The following ELF4 variants were observed in gnomAD, a reference collection of about 807,000 sequenced individuals.
ELF4 encodes the protein E74 like ETS transcription factor 4.
A neutral mutation model predicts 31.7 loss-of-function variants in ELF4; 10 were observed. The ratio of observed to expected loss-of-function variants is 0.32; its 90% CI spans 0.19 to 0.54. The LOEUF (loss-of-function observed/expected upper bound fraction) is 0.54, where lower values mean the gene tolerates loss of function less well. Among genes scored for constraint, ELF4 ranks in the 20% least tolerant of loss-of-function variants. The pLI, the probability that ELF4 is intolerant of heterozygous loss-of-function variation, is 0.95. For synonymous variants in ELF4, 208 were observed against 226.7 expected, an observed-to-expected ratio of 0.92 and a Z score of 0.74; for missense variants, 418 against 522.0, an observed-to-expected ratio of 0.80 and a Z score of 1.94.
At position 130,095,189 on chromosome X, in the gene ELF4, C is replaced by A. The variant is rs190517179; in HGVS notation, c.-209-13650G>T. Among the ~76,000 whole-genome samples, 3 of 112,257 alleles carry A rather than the reference C, an allele frequency of 2.7e-5. No homozygotes were observed. The Admixed American group carries it at 2.8e-4, about 11-fold the overall frequency. On this transcript the variant is annotated intron_variant, in intron 1 of 8. Coordinates refer to ENST00000308167, the MANE Select transcript of ELF4 (RefSeq NM_001421.4). Reference sequence around the variant, plus strand: ...GGGAAGGTGGCAGGGATGTGTAGTTCTGGGGTGCTACACCGTCCCTGCAAA... The same window carrying A: ...GGGAAGGTGGCAGGGATGTGTAGTTATGGGGTGCTACACCGTCCCTGCAAA...
intron 1 of ELF4, among the ~76,000 whole-genome samples, chrX:130,102,295 C>T (rs1279908513): frequency 1.8e-5 from 2 of 112,273 alleles, no homozygotes; most frequent in Non-Finnish European, 3.8e-5. Flanking sequence ...AAAACAACTT[C>T]AAACAAAAGC....
upstream of ELF4, chrX:130,110,538 G>C (rs1296154399): frequency 9.3e-6 from 1 of 107,952 alleles, no homozygotes; most frequent in African/African-American, 3.4e-5. Flanking sequence ...CGCGGCCGCC[G>C]GGGCCGCCGT....
chrX:130,109,429 CA>C (rs758203810), intron 1 of ELF4, among the ~76,000 whole-genome samples: 1 of 112,854 alleles, frequency 8.9e-6, no homozygotes, highest in Non-Finnish European at 1.9e-5. Context: ...GCTGCAGGAC[CA>C]GACAGGCCTC....
intron 1 of ELF4, among the ~76,000 whole-genome samples, chrX:130,099,311 C>T (rs768978004): frequency 5.3e-5 from 6 of 112,305 alleles, no homozygotes; most frequent in African/African-American, 1.3e-4. Flanking sequence ...CAGGGGCTCA[C>T]GCCTGTAATC....
chrX:130,075,250 T>G (rs1277087436), intron 2 of ELF4, among the ~76,000 whole-genome samples: 11 of 105,636 alleles, frequency 1.0e-4, no homozygotes, highest in Admixed American at 1.0e-3. Flanking sequence ...ATTACAGGCG[T>G]GAGCCACCAT....
chrX:130,108,947 A>G (rs1027267697), intron 1 of ELF4, among the ~76,000 whole-genome samples: 1 of 111,606 alleles, frequency 9.0e-6, no homozygotes, highest in Non-Finnish European at 1.9e-5. Flanking sequence ...ACTGAACTCC[A>G]GAGAGCTCCC....
intron 1 of ELF4, among the ~76,000 whole-genome samples, chrX:130,098,163 C>A (rs1162813847): frequency 1.8e-5 from 2 of 112,030 alleles, no homozygotes; most frequent in African/African-American, 6.5e-5. Context: ...GGCACAGGCC[C>A]GCAGTGCCTG....
intron 2 of ELF4, among the ~76,000 whole-genome samples, chrX:130,075,430 C>T (rs1289536274): frequency 9.0e-6 from 1 of 110,641 alleles, no homozygotes; most frequent in African/African-American, 3.3e-5. Flanking sequence ...GCACCCGCCA[C>T]CACACCTGTC....
chrX:130,067,719 G>A (rs1932719108), intron 8 of ELF4, among the ~76,000 whole-genome samples, 194 bp from the exon 9 acceptor site: 1 of 112,108 alleles, frequency 8.9e-6, no homozygotes, highest in African/African-American at 3.2e-5. Flanking sequence ...ACTGCTCACT[G>A]CAGCCTTGAA....
intron 1 of ELF4, among the ~76,000 whole-genome samples, chrX:130,085,269 C>A (rs1160421470): frequency 8.9e-6 from 1 of 111,945 alleles, no homozygotes; most frequent in African/African-American, 3.2e-5. Flanking sequence ...GTATGTGCCC[C>A]TGGGTGCCCT....
At chrX:130,071,483 G>T in intron 5 of ELF4, 64 bp from the exon 6 acceptor site, 1 of 1,106,592 alleles carries the variant, frequency 9.0e-7, no homozygotes. Flanking sequence ...AGCTGGCCAA[G>T]TTGGCTGTGA....
intron 1 of ELF4, among the ~76,000 whole-genome samples, chrX:130,092,622 G>A (rs1443225952): frequency 1.8e-5 from 2 of 112,278 alleles, no homozygotes; most frequent in Non-Finnish European, 3.8e-5. Flanking sequence ...GGGGTGGAGT[G>A]AGCCTGGCCT....
chrX:130,109,519 C>T lies in ELF4; in HGVS notation c.-210+806G>A, dbSNP rs766726570. Among the ~76,000 whole-genome samples, 3 of 112,385 alleles carry T rather than the reference C, an allele frequency of 2.7e-5. No individual in the cohort carries two copies. The Admixed American group carries it at 2.8e-4, about 10-fold the overall frequency. On this transcript the variant is annotated intron_variant, in intron 1 of 8. Coordinates refer to ENST00000308167, the MANE Select transcript of ELF4 (RefSeq NM_001421.4). ...GCTGGGGTATGGTGCGGGGCGGGGGCGGCCCAGGAGGACCTCGCTGAGCCG... is the reference window on the plus strand; with the variant it reads ...GCTGGGGTATGGTGCGGGGCGGGGGTGGCCCAGGAGGACCTCGCTGAGCCG...
At chrX:130,069,168 G>A in intron 8 of ELF4, 132 bp downstream of exon 8, 2 of 899,492 alleles carry the variant, frequency 2.2e-6, no homozygotes, top group Non-Finnish European at 3.2e-6. Context: ...AAGTTGCAGT[G>A]AGCAGACATC....
chrX:130,085,252 C>T (rs1174916755), intron 1 of ELF4, among the ~76,000 whole-genome samples: 1 of 111,823 alleles, frequency 8.9e-6, no homozygotes, highest in African/African-American at 3.2e-5. Flanking sequence ...AAAGCCTTTG[C>T]GAGAAAGTAT....
At position 130,076,896 on chromosome X, in the gene ELF4, A is replaced by G. The variant is rs778281398; in HGVS notation, c.76-2144T>C. On this transcript the variant is annotated intron_variant, in intron 2 of 8. Coordinates refer to ENST00000308167, the MANE Select transcript of ELF4 (RefSeq NM_001421.4). ...AATTCTTTTTTTTTCCCATGCAAAAAGAATGAGAATGATCCTCTCTGTGTA... is the reference window on the plus strand; with the variant it reads ...AATTCTTTTTTTTTCCCATGCAAAAGGAATGAGAATGATCCTCTCTGTGTA... Among the ~76,000 whole-genome samples the G allele has an allele frequency of 2.7e-5, 3 of 111,668 alleles. No homozygotes were observed. The South Asian group carries it at 1.1e-3, about 42-fold the overall frequency.
At position 130,094,509 on chromosome X, in the gene ELF4, G is replaced by A. The variant is rs1207364279; in HGVS notation, c.-209-12970C>T. On this transcript the variant is annotated intron_variant, in intron 1 of 8. Coordinates refer to ENST00000308167, the MANE Select transcript of ELF4 (RefSeq NM_001421.4). ...TTGAAACCCGGAGGCAGAGGTTGCA[G>A]TGAGCCAAGATCACGCCACTGCACT... Among the ~76,000 whole-genome samples the A allele has an allele frequency of 2.7e-5, 3 of 109,340 alleles. No individual in the cohort carries two copies. In the South Asian group the frequency reaches 1.2e-3, roughly 44 times the overall value. 94.9% of individuals were successfully genotyped at this position (109,340 alleles called of 115,157 possible). A position where few individuals can be genotyped will look rare whatever the true frequency, so the allele number is the denominator to read the frequency against.
chrX:130,089,523 A>C (rs1271579005), intron 1 of ELF4, among the ~76,000 whole-genome samples: 1 of 103,756 alleles, frequency 9.6e-6, no homozygotes, highest in Non-Finnish European at 2.0e-5. Flanking sequence ...AAAAAAAAAA[A>C]AAAAAAAAAA....
chrX:130,073,837 G>A (rs1362896801), intron 4 of ELF4, among the ~76,000 whole-genome samples: 2 of 112,668 alleles, frequency 1.8e-5, no homozygotes, highest in African/African-American at 3.2e-5. Flanking sequence ...ATTCTGACAC[G>A]TGCTACAACA....
Sources: gnomAD v4.1 joint callset for allele counts (sites outside exome capture counted in the v4.1 genomes callset) on GRCh38, gnomAD v4.1.1 for gene constraint, MANE v1.5 for transcripts, NCBI Gene and HGNC (gene_info 2026-07-23, HGNC 2026-07-21) for gene names.